GIPR: variants seen among roughly 807,000 people sequenced by gnomAD.
GIPR encodes the protein GIP-R.
GIPR carries 74 observed loss-of-function variants against 62.2 expected under a neutral mutation model. The observed-to-expected ratio is 1.19, with a 90% CI of 0.99 to 1.44. The LOEUF (loss-of-function observed/expected upper bound fraction) is 1.44. GIPR is among the 40% of genes most tolerant of loss of function. The pLI is 0.00. For synonymous variants in GIPR, 256 were observed against 262.2 expected, an observed-to-expected ratio of 0.98 and a Z score of 0.23; for missense variants, 664 against 611.8, an observed-to-expected ratio of 1.09 and a Z score of -0.90.
chr19:45,680,768 T>C (rs1967183820), intron 12 of GIPR, among the ~76,000 whole-genome samples: 2 of 146,200 alleles, frequency 1.4e-5, no homozygotes, highest in African/African-American at 5.1e-5. Flanking sequence ...GAGGCCAAGT[T>C]TGCAGTGAGC....
intron 12 of GIPR, among the ~76,000 whole-genome samples, chr19:45,678,563 A>T (rs1447046474): frequency 6.6e-6 from 1 of 152,022 alleles, no homozygotes; most frequent in Non-Finnish European, 1.5e-5. Flanking sequence ...GGGTTTCACC[A>T]TGTTGGCCAG....
intron 12 of GIPR, among the ~76,000 whole-genome samples, chr19:45,680,559 T>C (rs1358165599): frequency 2.0e-5 from 3 of 149,722 alleles, no homozygotes; most frequent in Admixed American, 6.7e-5. Context: ...GCTGGGTGCG[T>C]TGGCTCACGT....
chr19:45,671,295 T>G lies in GIPR; in HGVS notation c.183T>G (p.Cys61Trp). ...CGTGCCCACCCCCAGGCCTCGCCTG[T>G]AACGGGTCCTTCGATATGTACGTCT... ...AAAEPPSGLACNGSFDMYVCW... is the reference protein window; with the variant it reads ...AAAEPPSGLAWNGSFDMYVCW... Residue 61 changes from cysteine to tryptophan, a missense_variant, in exon 4 of 14, where the codon TGT becomes TGG. Coordinates refer to ENST00000590918, the MANE Select transcript of GIPR (RefSeq NM_000164.4). The G allele has an allele frequency of 1.2e-6, 2 of 1,610,450 alleles. No homozygotes were observed. Among genetic ancestry groups the G allele is most frequent in the Non-Finnish European group, 1.7e-6 (2 of 1,178,010 alleles).
chr19:45,682,277 G>C lies in GIPR; in HGVS notation c.*342G>C, dbSNP rs930420874. The C allele has an allele frequency of 6.7e-6, 2 of 300,504 alleles. No individual in the cohort carries two copies. The highest frequency in any genetic ancestry group is 1.0e-4 in the Admixed American group (2 of 19,474). 18.6% of individuals were successfully genotyped at this position (300,504 alleles called of 1,614,324 possible). A position where few individuals can be genotyped will look rare whatever the true frequency, so the allele number is the denominator to read the frequency against. ...ATTCTAGGCGGAAGCGATAGCATAGGCAAAGGCCCTTGGGCAGGAAGGCGC... is the reference window on the plus strand; with the variant it reads ...ATTCTAGGCGGAAGCGATAGCATAGCCAAAGGCCCTTGGGCAGGAAGGCGC... On this transcript the variant is annotated 3_prime_UTR_variant, in exon 14 of 14. Coordinates refer to ENST00000590918, the MANE Select transcript of GIPR (RefSeq NM_000164.4).
Position 45,681,846 on chromosome 19 carries a change from G to A in GIPR, c.1312G>A (p.Gly438Ser), listed in dbSNP as rs754797923. Residue 438 changes from glycine (G) to serine (S), a missense_variant, in exon 14 of 14, where the codon GGC (glycine) becomes AGC (serine). Coordinates refer to ENST00000590918, the MANE Select transcript of GIPR (RefSeq NM_000164.4). ...FRALPSGSGP[G>S]EVPTSRGLSS... ...GGCCCTGCCCTCCGGCTCCGGCCCGGGCGAGGTCCCCACCAGCCGCGGCTT... is the reference window on the plus strand; with the variant it reads ...GGCCCTGCCCTCCGGCTCCGGCCCGAGCGAGGTCCCCACCAGCCGCGGCTT... 25 of 1,554,276 alleles carry A rather than the reference G, an allele frequency of 1.6e-5. No individual in the cohort carries two copies. The East Asian group carries it at 5.8e-4, about 36-fold the overall frequency.
chr19:45,676,001 C>A (rs1440435507), intron 7 of GIPR, among the ~76,000 whole-genome samples: 2 of 152,078 alleles, frequency 1.3e-5, no homozygotes, highest in African/African-American at 4.8e-5. Context: ...GTCAGGAGTT[C>A]AAGACCAGCC....
intron 12 of GIPR, 128 bp downstream of exon 12, chr19:45,678,354 A>G (rs1295205499): frequency 6.7e-6 from 7 of 1,046,834 alleles, no homozygotes; most frequent in East Asian, 2.6e-5. Flanking sequence ...TAGTTCGTTC[A>G]TTAATTAATT....
chr19:45,674,136 C>G lies in GIPR; in HGVS notation c.447C>G (p.Leu149=). The change falls in exon 6 of 14, where the codon CTC becomes CTG. Residue 149 remains leucine (L), a synonymous_variant. Transcript: ENST00000590918. ...VMYTVGYSLS[L]ATLLLALLIL... ...ACACTGTCGGCTACTCCCTGTCTCT[C>G]GCCACACTGCTGCTAGCCCTGCTCA... 1 of 1,613,594 alleles carries G rather than the reference C, an allele frequency of 6.2e-7. No individual in the cohort carries two copies. The highest frequency in any genetic ancestry group is 8.5e-7 in the Non-Finnish European group (1 of 1,179,532).
Position 45,671,120 on chromosome 19 carries a change from C to A in GIPR, c.173-165C>A, listed in dbSNP as rs13306401. ...TGGTGGGAGGAGCTTGTGGCCGAGC[C>A]GGGACGGAACGCCCTCCGAGTGGGC... On this transcript the variant is annotated intron_variant, in intron 3 of 13. Transcript: ENST00000590918. Among the ~76,000 whole-genome samples the A allele has an allele frequency of 1.1e-4, 17 of 151,820 alleles. No individual in the cohort carries two copies. In the East Asian group the frequency reaches 3.1e-3, roughly 28 times the overall value.
intron 12 of GIPR, among the ~76,000 whole-genome samples, chr19:45,679,446 C>G (rs1297062981): frequency 6.9e-6 from 1 of 145,978 alleles, no homozygotes; most frequent in African/African-American, 2.5e-5. Context: ...CACGCCACTG[C>G]ACTCCAGCCT....
intron 4 of GIPR, 77 bp from the exon 5 acceptor site, chr19:45,672,774 T>C (rs1975609112): frequency 1.2e-6 from 1 of 848,412 alleles, no homozygotes; most frequent in Non-Finnish European, 2.0e-6. Flanking sequence ...TCCCTCTCTG[T>C]TATTGTCTCA....
intron 5 of GIPR, among the ~76,000 whole-genome samples, chr19:45,673,419 C>CAAAAAAAAAAAAA (rs71175203): frequency 2.4e-5 from 2 of 82,742 alleles, no homozygotes; most frequent in Non-Finnish European, 4.9e-5. Flanking sequence ...GACTCCATCT[C>CAAAAAAAAAAAAA]AAAAAAAAAA....
intron 8 of GIPR, 79 bp from the exon 9 acceptor site, chr19:45,677,244 C>A: frequency 1.6e-6 from 2 of 1,289,374 alleles, no homozygotes; most frequent in South Asian, 2.5e-5. Context: ...AGGAATTCCG[C>A]GGGTCTTGGG....
At chr19:45,668,701 C>T (rs926955681) in intron 1 of GIPR, among the ~76,000 whole-genome samples, 5 of 152,222 alleles carry the variant, frequency 3.3e-5, no homozygotes, top group African/African-American at 1.2e-4. Context: ...CTGAGATCCT[C>T]TCTGCTTCCG....
At chr19:45,670,357 T>C in intron 2 of GIPR, 1 of 381,632 alleles carries the variant, frequency 2.6e-6, no homozygotes, top group South Asian at 4.3e-5. Context: ...GATTATCGTT[T>C]CCACTCCCTT....
chr19:45,672,902 T>A lies in GIPR; in HGVS notation c.332T>A (p.Leu111His), dbSNP rs750992315. 1.9e-6 allele frequency: 3 copies of A among 1,613,480 alleles called. No individual in the cohort carries two copies. The highest frequency in any genetic ancestry group is 1.3e-5 in the African/African-American group (1 of 75,030). The stretch of plus-strand genomic sequence containing the variant: ...TGTGGCAGTGATGGCCAATGGGGAC[T>A]TTGGAGAGACCATACACAATGTGAG... ...RQCGSDGQWG[L>H]WRDHTQCENP... Residue 111 changes from leucine (L) to histidine (H), a missense_variant, in exon 5 of 14, where the codon CTT becomes CAT. Leu to His is a moderately conservative substitution (Grantham distance 99). Coordinates refer to ENST00000590918, the MANE Select transcript of GIPR (RefSeq NM_000164.4).
chr19:45,679,592 T>C (rs1472640673), intron 12 of GIPR, among the ~76,000 whole-genome samples: 2 of 146,628 alleles, frequency 1.4e-5, no homozygotes, highest in African/African-American at 5.1e-5. Flanking sequence ...GGGATGGGGG[T>C]TACTGTTTTA....
chr19:45,681,546 G>C, intron 12 of GIPR, 58 bp from the exon 13 acceptor site: 1 of 1,436,652 alleles, frequency 7.0e-7, no homozygotes, highest in Non-Finnish European at 9.8e-7. Context: ...GGGAGGCGCG[G>C]AGGCGGTTAC....
At chr19:45,680,491 T>C (rs1967171119) in intron 12 of GIPR, among the ~76,000 whole-genome samples, 1 of 151,402 alleles carries the variant, frequency 6.6e-6, no homozygotes, top group Admixed American at 6.6e-5. Context: ...CCATGATCAC[T>C]CCACTGCACT....
Sources: gnomAD v4.1 joint callset for allele counts (sites outside exome capture counted in the v4.1 genomes callset) on GRCh38, gnomAD v4.1.1 for gene constraint, MANE v1.5 for transcripts, NCBI Gene and HGNC (gene_info 2026-07-23, HGNC 2026-07-21) for gene names.